The following NR2F2 variants were observed in gnomAD, a reference collection of about 807,000 sequenced individuals.
NR2F2 encodes COUP transcription factor 2.
NR2F2 carries 2 observed loss-of-function variants against 34.8 expected under a neutral mutation model. The observed-to-expected ratio is 0.06, with a 90% CI of 0.02 to 0.18. The LOEUF (loss-of-function observed/expected upper bound fraction) is 0.18. Ranked by LOEUF, NR2F2 falls within the 10% of genes least tolerant of loss-of-function variation. NR2F2 has a pLI of 1.00. For synonymous variants in NR2F2, 274 were observed against 251.8 expected (o/e 1.09, Z -0.84); for missense variants, 300 against 580.1 (o/e 0.52, Z 4.96).
chr15:96,330,098 C>A (rs890737420), upstream of NR2F2, among the ~76,000 whole-genome samples: 3 of 152,154 alleles, frequency 2.0e-5, no homozygotes, highest in African/African-American at 7.2e-5. Context: ...AAGCTCAGTT[C>A]GTGGCACCTT....
chr15:96,336,363 T>C (rs1468858995), intron 2 of NR2F2, among the ~76,000 whole-genome samples: 1 of 152,150 alleles, frequency 6.6e-6, no homozygotes, highest in Non-Finnish European at 1.5e-5. Context: ...CACCTCTACA[T>C]TCTGTAGACA....
chr15:96,326,923 TAGG>T (rs1253572071), upstream of NR2F2: 1 of 152,994 alleles, frequency 6.5e-6, no homozygotes, highest in Non-Finnish European at 1.5e-5. The surrounding 1 kb of genome is among the most constrained non-coding windows in gnomAD (Gnocchi z 5.5). Flanking sequence ...TCGGTTAAGC[TAGG>T]AGGAGAATCG....
In NR2F2 at chr15:96,331,438, A is replaced by G; in HGVS notation, c.-668A>G. On this transcript the variant is annotated 5_prime_UTR_variant, in exon 1 of 3. Coordinates refer to ENST00000394166, the MANE Select transcript of NR2F2 (RefSeq NM_021005.4). ...TGCCTGGCTCCCTGGGCGCGCCCGC[A>G]CCCGGCGCCTCCGATCTCCTAGTCC... The G allele has an allele frequency of 1.6e-6, 2 of 1,231,080 alleles. No individual in the cohort carries two copies. Among genetic ancestry groups the G allele is most frequent in the Non-Finnish European group, 2.0e-6 (2 of 987,922 alleles). The allele number at this position is 1,231,080 out of a possible 1,614,324, so 76.3% of individuals were successfully genotyped here.
intron 1 of NR2F2, 60 bp from the exon 2 acceptor site, chr15:96,334,016 G>T (rs1306234286): frequency 7.0e-6 from 11 of 1,564,232 alleles, no homozygotes; most frequent in Non-Finnish European, 9.5e-6. Context: ...AGACCCCGCC[G>T]GGGAACCTGG....
At position 96,339,152 on chromosome 15, in the gene NR2F2, T is replaced by C. The variant is rs1899426672; in HGVS notation, c.*1530T>C. 1 of 152,014 alleles carries C rather than the reference T, an allele frequency of 6.6e-6. No homozygotes were observed. The highest frequency in any genetic ancestry group is 1.5e-5 in the Non-Finnish European group (1 of 67,998). 9.4% of individuals were successfully genotyped at this position (152,014 alleles called of 1,614,324 possible). ...CTTAAGTGCCTGCTTAGGGAAGGTA[T>C]TGTGAAAAAGTATTAGAAATCTTGA... On this transcript the variant is annotated 3_prime_UTR_variant, in exon 3 of 3. Coordinates refer to ENST00000394166, the MANE Select transcript of NR2F2 (RefSeq NM_021005.4).
At chr15:96,334,740 CT>C in intron 2 of NR2F2, 137 bp downstream of exon 2, 2 of 879,704 alleles carry the variant, frequency 2.3e-6, no homozygotes, top group Non-Finnish European at 3.4e-6. Context: ...AAAGTGGGAA[CT>C]TTTTATAGCT....
chr15:96,333,368 C>G (rs879787593), intron 1 of NR2F2: 1 of 1,001,862 alleles, frequency 1.0e-6, no homozygotes, highest in Non-Finnish European at 1.2e-6. Flanking sequence ...AGCCTGGGCC[C>G]GAGCCTCGCC....
At position 96,331,012 on chromosome 15, in the gene NR2F2, C is replaced by T. The variant is rs1567136841; in HGVS notation, c.-1094C>T. 2 of 1,224,810 alleles carry T rather than the reference C, an allele frequency of 1.6e-6. No homozygotes were observed. Among genetic ancestry groups the T allele is most frequent in the South Asian group, 8.2e-5 (2 of 24,394 alleles). The allele number at this position is 1,224,810 out of a possible 1,614,324, so 75.9% of individuals were successfully genotyped here. On this transcript the variant is annotated 5_prime_UTR_variant, in exon 1 of 3. Transcript: ENST00000394166. ...TCTTTTATCATTTCTCCCCCGCCGC[C>T]GGCGAGTTGACTCTTTCCCTATGTG...
chr15:96,337,453 G>C lies in NR2F2; in HGVS notation c.1076G>C (p.Arg359Thr). The change falls in exon 3 of 3, where the codon AGA (arginine) becomes ACA (threonine). Residue 359 changes from arginine to threonine, a missense_variant. This residue lies in a region of NR2F2 where 164 missense variants were observed against 365.3 expected (regional missense o/e 0.45). Transcript: ENST00000394166. ...AGCCAGTACCCCAACCAGCCGACGA[G>C]ATTCGGAAAGCTTTTGCTTCGCCTC... ...VRSQYPNQPT[R>T]FGKLLLRLPS... 1 of 1,614,150 alleles carries C rather than the reference G, an allele frequency of 6.2e-7. No individual in the cohort carries two copies. Among genetic ancestry groups the C allele is most frequent in the Non-Finnish European group, 8.5e-7 (1 of 1,180,038 alleles).
rs939393483 is a variant in NR2F2, at chr15:96,338,680, GTTTT to G, written c.*1065_*1068del. Reference sequence around the variant, plus strand: ...AGTTTGTGTTTTAAAAAAACTGAAGGTTTTTTTTTTAAGTGCAACATTTCTGTAT... The same window carrying G: ...AGTTTGTGTTTTAAAAAAACTGAAGGTTTTTTAAGTGCAACATTTCTGTAT... On this transcript the variant is annotated 3_prime_UTR_variant, in exon 3 of 3. Transcript: ENST00000394166. The G allele has an allele frequency of 2.7e-5, 4 of 148,434 alleles. No homozygotes were observed. Among genetic ancestry groups the G allele is most frequent in the Non-Finnish European group, 4.5e-5 (3 of 66,710 alleles). The allele number at this position is 148,434 out of a possible 1,614,324, so 9.2% of individuals were successfully genotyped here.
In NR2F2 at chr15:96,331,691, AT is replaced by A. The variant is rs111316474; in HGVS notation, c.-404del. On this transcript the variant is annotated 5_prime_UTR_variant, in exon 1 of 3. Coordinates refer to ENST00000394166, the MANE Select transcript of NR2F2 (RefSeq NM_021005.4). ...GAGAGCGAGCGAGATCTTTGGAGAG[AT>A]TTTTTTTTTTGCCTCCTACTTCTGT... 52,286 of 840,470 alleles carry A rather than the reference AT, an allele frequency of 0.062. 175 individuals are homozygous for A. The highest frequency in any genetic ancestry group is 0.15 in the South Asian group (2,555 of 17,028). 52.1% of individuals were successfully genotyped at this position (840,470 alleles called of 1,614,324 possible).
rs1357830335 is a variant in NR2F2 at position 96,337,478 on chromosome 15, C to G, written c.1101C>G (p.Leu367=). The stretch of plus-strand genomic sequence containing the variant: ...GATTCGGAAAGCTTTTGCTTCGCCT[C>G]CCTTCCCTCCGCACCGTCTCCTCCT... ...PTRFGKLLLR[L]PSLRTVSSSV... is the part of the protein sequence containing the mutation. Residue 367 remains leucine (L), a synonymous_variant, in exon 3 of 3, where the codon CTC becomes CTG. Coordinates refer to ENST00000394166, the MANE Select transcript of NR2F2 (RefSeq NM_021005.4). 1.2e-6 allele frequency: 2 copies of G among 1,614,022 alleles called. No homozygotes were observed. Among genetic ancestry groups the G allele is most frequent in the African/African-American group, 2.7e-5 (2 of 74,910 alleles).
At chr15:96,328,542 A>G (rs928331725), upstream of NR2F2, among the ~76,000 whole-genome samples, 7 of 152,260 alleles carry the variant, frequency 4.6e-5, no homozygotes, top group African/African-American at 1.4e-4. Flanking sequence ...CATTTGTAAC[A>G]TTAGCAATTC....
upstream of NR2F2, among the ~76,000 whole-genome samples, chr15:96,328,595 A>G (rs1474906732): frequency 1.3e-5 from 2 of 152,194 alleles, no homozygotes; most frequent in Non-Finnish European, 2.9e-5. Context: ...ACAACTACCA[A>G]AAACCTTCTC....
intron 1 of NR2F2, among the ~76,000 whole-genome samples, chr15:96,332,941 C>CCA (rs1899194044): frequency 1.2e-4 from 7 of 58,020 alleles, no homozygotes; most frequent in African/African-American, 1.9e-4. Flanking sequence ...CCCACCCTCT[C>CCA]AAAAAAAAAA....
Position 96,339,354 on chromosome 15 carries a change from G to A in NR2F2, c.*1732G>A, listed in dbSNP as rs1296341281. ...AAATATTCTGTGATTCTACTCTAGC[G>A]TGGTTGTTGAGAGAGTTTCAAATTC... is the stretch of plus-strand genomic sequence containing the variant. On this transcript the variant is annotated 3_prime_UTR_variant, in exon 3 of 3. Coordinates refer to ENST00000394166, the MANE Select transcript of NR2F2 (RefSeq NM_021005.4). 3 of 152,136 alleles carry A rather than the reference G, an allele frequency of 2.0e-5. No individual in the cohort carries two copies. Among genetic ancestry groups the A allele is most frequent in the African/African-American group, 4.8e-5 (2 of 41,428 alleles). The allele number at this position is 152,136 out of a possible 1,614,324, so 9.4% of individuals were successfully genotyped here.
In NR2F2 at chr15:96,330,823, C is replaced by T. The variant is rs1423447600; in HGVS notation, c.-1283C>T. 8.8e-6 allele frequency: 10 copies of T among 1,131,652 alleles called. No homozygotes were observed. The highest frequency in any genetic ancestry group is 4.8e-5 in the Admixed American group (1 of 20,808). The allele number at this position is 1,131,652 out of a possible 1,614,324, so 70.1% of individuals were successfully genotyped here. On this transcript the variant is annotated 5_prime_UTR_variant, in exon 1 of 3. Transcript: ENST00000394166. The stretch of plus-strand genomic sequence containing the variant: ...TCTCCGCGGTGTGTGTGTGCGTGCG[C>T]GCGTGTGTGTTTTCTTCTTCTCCTC...
At chr15:96,333,790 C>T in intron 1 of NR2F2, 1 of 1,386,708 alleles carries the variant, frequency 7.2e-7, no homozygotes, top group Non-Finnish European at 9.3e-7. Flanking sequence ...GCCCACAGCG[C>T]CGGGGACCCC....
rs1036089807 is a variant in NR2F2 at position 96,334,151 on chromosome 15, A to G, written c.518A>G (p.Asn173Ser). ...GCGCTGACCAACGGGGATCCCCTCAACTGCCACTCGTACCTGTCCGGATAT... is the reference window on the plus strand; with the variant it reads ...GCGCTGACCAACGGGGATCCCCTCAGCTGCCACTCGTACCTGTCCGGATAT... ...QFALTNGDPL[N>S]CHSYLSGYIS... Residue 173 changes from asparagine (N) to serine (S), a missense_variant, in exon 2 of 3, where the codon AAC (asparagine) becomes AGC (serine). By Grantham distance (46) the Asn-to-Ser change is conservative. Coordinates refer to ENST00000394166, the MANE Select transcript of NR2F2 (RefSeq NM_021005.4). The G allele has an allele frequency of 6.2e-7, 1 of 1,613,900 alleles. No homozygotes were observed. The highest frequency in any genetic ancestry group is 1.1e-5 in the South Asian group (1 of 91,076).
Sources: gnomAD v4.1 joint callset for allele counts (sites outside exome capture counted in the v4.1 genomes callset) on GRCh38, gnomAD v4.1.1 for gene constraint, gnomAD v4.1.1 regional missense constraint, Gnocchi (gnomAD v3.1) non-coding constraint, MANE v1.5 for transcripts, NCBI Gene and HGNC (gene_info 2026-07-23, HGNC 2026-07-21) for gene names.